GRHL2: variants seen among roughly 807,000 people sequenced by gnomAD.
GRHL2 encodes the protein grainyhead like transcription factor 2.
Under a neutral mutation model 83.8 loss-of-function variants are expected in GRHL2, and 21 were observed. The observed-to-expected ratio is 0.25, with a 90% CI of 0.18 to 0.36. GRHL2 has a LOEUF of 0.36. GRHL2 is among the 10% of genes least tolerant of loss of function. The pLI is 1.00. For missense variants in GRHL2, 623 were observed against 781.8 expected (o/e 0.80, Z 2.42); for synonymous variants, 280 against 278.9 (o/e 1.00, Z -0.04).
At position 101,528,988 on chromosome 8, in the gene GRHL2, T is replaced by A. The variant is rs997903265; in HGVS notation, c.21-14253T>A. On this transcript the variant is annotated intron_variant, in intron 1 of 15. Coordinates refer to ENST00000646743, the MANE Select transcript of GRHL2 (RefSeq NM_024915.4). ...TACATGGACTTGTTCAGCCCTCTTC[T>A]GCATTCTCTCTCCCTGTGGTATTTC... 1.0e-4 allele frequency: 38 copies of A among 363,542 alleles called. No individual in the cohort carries two copies. In the Admixed American group the frequency reaches 1.1e-3, roughly 10 times the overall value. 22.5% of individuals were successfully genotyped at this position (363,542 alleles called of 1,614,324 possible).
chr8:101,629,458 GT>G (rs1179960966), intron 9 of GRHL2, among the ~76,000 whole-genome samples: 1 of 151,868 alleles, frequency 6.6e-6, no homozygotes, highest in African/African-American at 2.4e-5. Context: ...TTCAATATTT[GT>G]TTTTTTATGG....
At chr8:101,539,188 T>C (rs1228196130) in intron 1 of GRHL2, among the ~76,000 whole-genome samples, 2 of 152,194 alleles carry the variant, frequency 1.3e-5, no homozygotes, top group East Asian at 1.9e-4. Flanking sequence ...TGCTAAACTT[T>C]TGGAATTTAG....
intron 13 of GRHL2, among the ~76,000 whole-genome samples, chr8:101,644,535 A>G (rs540189891): frequency 2.0e-5 from 3 of 152,326 alleles, no homozygotes; most frequent in African/African-American, 7.2e-5. Context: ...GGACAGTCAT[A>G]CCTCATAAGA....
chr8:101,584,679 C>T (rs866763296), intron 7 of GRHL2, among the ~76,000 whole-genome samples: 25 of 152,160 alleles, frequency 1.6e-4, no homozygotes, highest in African/African-American at 6.0e-4. Flanking sequence ...GTTTTTATAG[C>T]CAGTCCTGGG....
chr8:101,577,425 C>G lies in GRHL2; in HGVS notation c.909C>G (p.Val303=), dbSNP rs1249534358. ...ISKVRSVVMV[V]FSEDKNRDEQ... is the part of the protein sequence containing the mutation. ...CTCTGCAGAGTGTGGTGATGGTGGT[C>G]TTCAGTGAAGACAAAAACAGAGATG... The change falls in exon 7 of 16, where the codon GTC becomes GTG. Residue 303 remains valine, a synonymous_variant. Coordinates refer to ENST00000646743, the MANE Select transcript of GRHL2 (RefSeq NM_024915.4). 9 of 1,612,804 alleles carry G rather than the reference C, an allele frequency of 5.6e-6. No homozygotes were observed. Among genetic ancestry groups the G allele is most frequent in the Non-Finnish European group, 6.8e-6 (8 of 1,178,974 alleles).
downstream of GRHL2, among the ~76,000 whole-genome samples, chr8:101,671,458 GGGGGAGGGGCACC>G (rs1207979989): frequency 2.8e-5 from 4 of 145,014 alleles, no homozygotes; most frequent in African/African-American, 1.1e-4. Context: ...CAGCGATGCT[GGGGGAGGGGCACC>G]TGCAAGCTGG....
chr8:101,642,742 A>C (rs1023616880), intron 12 of GRHL2, among the ~76,000 whole-genome samples: 1 of 152,150 alleles, frequency 6.6e-6, no homozygotes, highest in Non-Finnish European at 1.5e-5. Context: ...CATTTCTCAC[A>C]CCCTTCCTCA....
At chr8:101,523,867 A>T (rs1323684870) in intron 1 of GRHL2, among the ~76,000 whole-genome samples, 2 of 152,134 alleles carry the variant, frequency 1.3e-5, no homozygotes, top group Non-Finnish European at 2.9e-5. Flanking sequence ...CACCTCCAAA[A>T]GTTACTTGTT....
intron 11 of GRHL2, among the ~76,000 whole-genome samples, chr8:101,636,085 C>T (rs146488052): frequency 1.6e-3 from 250 of 152,312 alleles, no homozygotes; most frequent in African/African-American, 5.7e-3. Flanking sequence ...TCCTGACACA[C>T]ACAGATAAAG....
intron 1 of GRHL2, among the ~76,000 whole-genome samples, chr8:101,523,191 C>T (rs1314709495): frequency 4.6e-5 from 7 of 151,922 alleles, no homozygotes; most frequent in Non-Finnish European, 5.9e-5. Flanking sequence ...GGATTACAGA[C>T]TTAAGCCACT....
At chr8:101,543,825 A>G in intron 2 of GRHL2, 1 of 249,040 alleles carries the variant, frequency 4.0e-6, no homozygotes, top group South Asian at 4.9e-5. Context: ...TGATAAAGAC[A>G]TACTGGAGAC....
the GRHL2 span, among the ~76,000 whole-genome samples, chr8:101,677,428 C>CA: frequency 0.012 from 1,759 of 152,000 alleles, 27 homozygotes; most frequent in East Asian, 0.057. Flanking sequence ...TCTCCACCCC[C>CA]ACGCCTACCT....
At chr8:101,632,433 C>A (rs1813205192) in intron 11 of GRHL2, 68 bp downstream of exon 11, 6 of 1,575,884 alleles carry the variant, frequency 3.8e-6, no homozygotes, top group Middle Eastern at 1.7e-4. Flanking sequence ...AAGATAGAAG[C>A]ATTTCAGACA....
chr8:101,611,219 G>A (rs542904231), intron 8 of GRHL2, among the ~76,000 whole-genome samples: 1 of 151,118 alleles, frequency 6.6e-6, no homozygotes, highest in Admixed American at 6.6e-5. Context: ...CTATGTGCAC[G>A]AATGGGTAAA....
chr8:101,631,456 G>C (rs1813184597), intron 9 of GRHL2, among the ~76,000 whole-genome samples, 181 bp from the exon 10 acceptor site: 1 of 152,330 alleles, frequency 6.6e-6, no homozygotes, highest in South Asian at 2.1e-4. Context: ...ATGTGGTATA[G>C]ACTTATGAGT....
At chr8:101,623,311 G>A (rs999120260) in intron 9 of GRHL2, among the ~76,000 whole-genome samples, 18 of 152,250 alleles carry the variant, frequency 1.2e-4, no homozygotes, top group African/African-American at 4.1e-4. Flanking sequence ...TGGTAGGACA[G>A]TAGGACAGTA....
At chr8:101,494,927 G>A (rs2129948200) in intron 1 of GRHL2, among the ~76,000 whole-genome samples, 1 of 152,332 alleles carries the variant, frequency 6.6e-6, no homozygotes, top group African/African-American at 2.4e-5. Context: ...CCTGGGAAAA[G>A]TAATCGTTAC....
chr8:101,528,491 G>C (rs1810852840), intron 1 of GRHL2, among the ~76,000 whole-genome samples: 1 of 151,710 alleles, frequency 6.6e-6, no homozygotes. Context: ...CTTTAAGTTG[G>C]AACATCAATA....
At chr8:101,573,573 T>C in intron 5 of GRHL2, 95 bp from the exon 6 acceptor site, 1 of 1,446,676 alleles carries the variant, frequency 6.9e-7, no homozygotes. Flanking sequence ...TAAACATTGG[T>C]TAATGTTCAT....
Sources: allele counts gnomAD v4.1 joint callset (sites outside exome capture counted in the v4.1 genomes callset), GRCh38; gene constraint gnomAD v4.1.1; transcripts MANE v1.5; gene names NCBI Gene and HGNC (gene_info 2026-07-23, HGNC 2026-07-21).